Variants in DLG2 observed in about 807,000 individuals in gnomAD.
The protein encoded by DLG2 is discs large MAGUK scaffold protein 2, also known as disks large homolog 2.
In DLG2, 45 loss-of-function variants were observed where a neutral mutation model predicts 132.5. The observed-to-expected ratio is 0.34, with a 90% CI of 0.27 to 0.44. DLG2 has a LOEUF of 0.44. Ranked by LOEUF, DLG2 falls within the 20% of genes least tolerant of loss-of-function variation. The pLI, the probability that DLG2 is intolerant of heterozygous loss-of-function variation, is 1.00. For synonymous variants in DLG2, 424 were observed against 419.6 expected (o/e 1.01, Z -0.13); for missense variants, 1,045 against 1,196.9 (o/e 0.87, Z 1.87).
intron 2 of DLG2, among the ~76,000 whole-genome samples, chr11:85,608,530 G>A (rs929334025): frequency 1.3e-5 from 2 of 152,108 alleles, no homozygotes; most frequent in African/African-American, 4.8e-5. Flanking sequence ...ACATCCCACA[G>A]GAGGATCTTT....
At chr11:85,580,614 T>C (rs1165791776) in intron 3 of DLG2, among the ~76,000 whole-genome samples, 1 of 152,220 alleles carries the variant, frequency 6.6e-6, no homozygotes, top group Non-Finnish European at 1.5e-5. Flanking sequence ...ATACTTTTAT[T>C]ATCATCCCCA....
chr11:84,248,035 C>T (rs1228939986), intron 8 of DLG2, among the ~76,000 whole-genome samples: 1 of 151,984 alleles, frequency 6.6e-6, no homozygotes, highest in African/African-American at 2.4e-5. Context: ...ATTATGTGAA[C>T]AACTAGAACA....
chr11:85,565,493 A>AT (rs2077481426), intron 3 of DLG2, among the ~76,000 whole-genome samples: 2 of 152,096 alleles, frequency 1.3e-5, no homozygotes, highest in Non-Finnish European at 2.9e-5. Context: ...CCCCATACTC[A>AT]TTAAGCTGTC....
chr11:83,659,085 G>A (rs189475156), intron 18 of DLG2, among the ~76,000 whole-genome samples: 170 of 152,284 alleles, frequency 1.1e-3, no homozygotes, highest in Non-Finnish European at 1.5e-3. Flanking sequence ...AGTGCCTGTC[G>A]TAGTTTCTGA....
chr11:83,881,195 C>T (rs182381472), intron 15 of DLG2, among the ~76,000 whole-genome samples: 2 of 152,240 alleles, frequency 1.3e-5, no homozygotes, highest in Admixed American at 6.5e-5. Context: ...ATCCCATACT[C>T]CTGTCATAGC....
intron 3 of DLG2, among the ~76,000 whole-genome samples, chr11:85,397,046 C>A (rs1009182085): frequency 6.6e-5 from 10 of 152,176 alleles, no homozygotes; most frequent in African/African-American, 2.4e-4. Flanking sequence ...GGGTTACCCA[C>A]AAAGGGAAGC....
At chr11:83,755,829 T>A (rs761637575) in intron 18 of DLG2, among the ~76,000 whole-genome samples, 1 of 151,330 alleles carries the variant, frequency 6.6e-6, no homozygotes, top group Non-Finnish European at 1.5e-5. Flanking sequence ...ACAGATATCT[T>A]GAAATTTGGC....
intron 7 of DLG2, chr11:84,273,146 C>T (rs551496330): frequency 6.6e-7 from 1 of 1,504,708 alleles, no homozygotes; most frequent in Non-Finnish European, 8.8e-7. Flanking sequence ...GAAAATTTTC[C>T]TTACCGGAAT....
At chr11:84,211,381 A>C (rs934066115) in intron 8 of DLG2, among the ~76,000 whole-genome samples, 1 of 152,140 alleles carries the variant, frequency 6.6e-6, no homozygotes, top group Non-Finnish European at 1.5e-5. Flanking sequence ...CATATTCTCT[A>C]TAAGAGAAGC....
chr11:84,399,899 C>A (rs1008292035), intron 7 of DLG2, among the ~76,000 whole-genome samples: 1 of 152,230 alleles, frequency 6.6e-6, no homozygotes, highest in Non-Finnish European at 1.5e-5. Flanking sequence ...TTTGGCTGTA[C>A]GTATGTCTAC....
At chr11:84,098,602 T>C (rs976203638) in intron 10 of DLG2, among the ~76,000 whole-genome samples, 3 of 152,162 alleles carry the variant, frequency 2.0e-5, no homozygotes, top group Non-Finnish European at 4.4e-5. Flanking sequence ...TTTTGATAAT[T>C]ATATTATTTG....
chr11:84,199,905 C>T (rs921030896), intron 8 of DLG2, among the ~76,000 whole-genome samples: 1 of 151,580 alleles, frequency 6.6e-6, no homozygotes, highest in African/African-American at 2.4e-5. Flanking sequence ...TAAAACTTTC[C>T]AAGTTTGATG....
chr11:85,135,965 G>T (rs940681212), intron 5 of DLG2, among the ~76,000 whole-genome samples: 2 of 152,148 alleles, frequency 1.3e-5, no homozygotes, highest in Non-Finnish European at 2.9e-5. Flanking sequence ...CTGGAGAGGG[G>T]CCTTGAGCTA....
At chr11:84,134,524 C>T (rs2094531331) in intron 9 of DLG2, among the ~76,000 whole-genome samples, 1 of 151,940 alleles carries the variant, frequency 6.6e-6, no homozygotes, top group African/African-American at 2.4e-5. Flanking sequence ...TTCTGAACAC[C>T]CAACTAGGCA....
chr11:85,600,688 A>T (rs368833185), intron 2 of DLG2, among the ~76,000 whole-genome samples: 91 of 152,358 alleles, frequency 6.0e-4, no homozygotes, highest in Middle Eastern at 3.4e-3. Context: ...TTATGTTGTC[A>T]TATTAATAAA....
intron 18 of DLG2, among the ~76,000 whole-genome samples, chr11:83,634,705 A>G (rs991580845): frequency 6.6e-6 from 1 of 152,220 alleles, no homozygotes; most frequent in African/African-American, 2.4e-5. Flanking sequence ...ATAAAATGTA[A>G]TTTCATTTCA....
chr11:84,128,931 C>A (rs1181371718), intron 9 of DLG2, among the ~76,000 whole-genome samples: 2 of 152,108 alleles, frequency 1.3e-5, no homozygotes, highest in African/African-American at 2.4e-5. Context: ...CTGCTAGAAA[C>A]TTCTAAGTTG....
At chr11:84,613,268 C>T (rs553953411) in intron 6 of DLG2, among the ~76,000 whole-genome samples, 55 of 152,082 alleles carry the variant, frequency 3.6e-4, no homozygotes, top group Non-Finnish European at 1.3e-4. Flanking sequence ...AGTTTAAAAA[C>T]ACCAGATAAC....
At chr11:84,710,967 T>C (rs1484678691) in intron 6 of DLG2, among the ~76,000 whole-genome samples, 3 of 148,230 alleles carry the variant, frequency 2.0e-5, no homozygotes, top group Admixed American at 6.8e-5. Flanking sequence ...CTGAAATATA[T>C]AATGTGTTCA....
Sources: gnomAD v4.1 joint callset for allele counts (sites outside exome capture counted in the v4.1 genomes callset) on GRCh38, gnomAD v4.1.1 for gene constraint, MANE v1.5 for transcripts, NCBI Gene and HGNC (gene_info 2026-07-23, HGNC 2026-07-21) for gene names.